SPAG16: variants seen among roughly 807,000 people sequenced by gnomAD.
SPAG16 encodes the protein sperm associated antigen 16, also known as sperm-associated antigen 16 protein.
A neutral mutation model predicts 80.4 loss-of-function variants in SPAG16; 86 were observed. That is an observed-to-expected ratio of 1.07 (90% CI 0.90 to 1.28). The LOEUF (loss-of-function observed/expected upper bound fraction) is 1.28, where lower values mean the gene tolerates loss of function less well. Ranked by LOEUF, SPAG16 falls within the 50% of genes most tolerant of loss-of-function variation. The pLI is 0.00. For missense variants in SPAG16, 870 were observed against 765.3 expected (o/e 1.14, Z -1.61); for synonymous variants, 294 against 265.9 (o/e 1.11, Z -1.03).
intron 13 of SPAG16, among the ~76,000 whole-genome samples, chr2:214,039,370 G>T (rs112933130): frequency 0.39 from 59,419 of 151,926 alleles, 13,123 homozygotes; most frequent in South Asian, 0.5. Flanking sequence ...CACATCCTTC[G>T]CCCACTTTTT....
At chr2:213,588,337 A>C (rs1028990986) in intron 10 of SPAG16, among the ~76,000 whole-genome samples, 3 of 152,198 alleles carry the variant, frequency 2.0e-5, no homozygotes, top group African/African-American at 7.2e-5. Context: ...TATTAACAGG[A>C]AATTGAATAT....
intron 15 of SPAG16, among the ~76,000 whole-genome samples, chr2:214,225,276 T>C (rs2058675656): frequency 6.6e-6 from 1 of 152,190 alleles, no homozygotes; most frequent in South Asian, 2.1e-4. Flanking sequence ...GGACCTTTTT[T>C]TTCTTTTACT....
intron 10 of SPAG16, among the ~76,000 whole-genome samples, chr2:213,664,006 G>C (rs934884690): frequency 6.6e-6 from 1 of 152,008 alleles, no homozygotes; most frequent in Non-Finnish European, 1.5e-5. Flanking sequence ...CAGTCTCAGC[G>C]GGCTAAAATT....
chr2:213,829,865 T>C (rs1218541868), intron 10 of SPAG16, among the ~76,000 whole-genome samples: 2 of 152,018 alleles, frequency 1.3e-5, no homozygotes, highest in Admixed American at 1.3e-4. Context: ...GCGGCTGAGA[T>C]GGTATCCAAG....
intron 15 of SPAG16, among the ~76,000 whole-genome samples, chr2:214,189,865 A>C (rs764888878): frequency 6.6e-6 from 1 of 152,090 alleles, no homozygotes; most frequent in Non-Finnish European, 1.5e-5. Context: ...TATATTTTGC[A>C]TCATCAAAAT....
intron 10 of SPAG16, among the ~76,000 whole-genome samples, chr2:213,577,166 A>G (rs905728386): frequency 6.6e-6 from 1 of 152,170 alleles, no homozygotes; most frequent in African/African-American, 2.4e-5. Flanking sequence ...TAATAGAGGA[A>G]TCAACATTAT....
chr2:213,420,816 C>CA (rs567296652), intron 9 of SPAG16, among the ~76,000 whole-genome samples: 203 of 151,914 alleles, frequency 1.3e-3, no homozygotes, highest in Admixed American at 3.0e-3. Flanking sequence ...TTTTGCATTC[C>CA]AAAAAAAGAA....
At chr2:213,721,913 G>A (rs796725266) in intron 10 of SPAG16, among the ~76,000 whole-genome samples, 17 of 152,254 alleles carry the variant, frequency 1.1e-4, no homozygotes, top group Admixed American at 3.3e-4. Flanking sequence ...GCATTTAAGC[G>A]TGTGATTAAC....
intron 10 of SPAG16, among the ~76,000 whole-genome samples, chr2:213,856,767 C>T (rs767995505): frequency 6.6e-6 from 1 of 152,188 alleles, no homozygotes; most frequent in Non-Finnish European, 1.5e-5. Context: ...CTGCACAAAG[C>T]AGCAAGTACC....
intron 12 of SPAG16, among the ~76,000 whole-genome samples, chr2:213,933,671 G>T (rs990873804): frequency 6.6e-6 from 1 of 152,144 alleles, no homozygotes; most frequent in Admixed American, 6.5e-5. Context: ...GGAAACAGAG[G>T]GACTTGCAAA....
At chr2:214,358,970 A>T (rs1449962837) in intron 15 of SPAG16, among the ~76,000 whole-genome samples, 3 of 151,948 alleles carry the variant, frequency 2.0e-5, no homozygotes, top group Non-Finnish European at 4.4e-5. Context: ...CCTTCTAAAA[A>T]ATTACTGACT....
intron 10 of SPAG16, among the ~76,000 whole-genome samples, chr2:213,764,027 A>T (rs1034177580): frequency 8.5e-5 from 13 of 152,224 alleles, no homozygotes; most frequent in African/African-American, 3.1e-4. Context: ...CTCTCTTTTC[A>T]GAGTCACAAG....
intron 3 of SPAG16, among the ~76,000 whole-genome samples, chr2:213,307,308 A>C: frequency 1.4e-5 from 2 of 143,722 alleles, no homozygotes; most frequent in Admixed American, 7.0e-5. Context: ...GCACCCACTA[A>C]CTCGTCATCT....
intron 9 of SPAG16, among the ~76,000 whole-genome samples, chr2:213,435,441 A>G (rs2070566507): frequency 1.3e-5 from 2 of 152,180 alleles, no homozygotes; most frequent in South Asian, 2.1e-4. Flanking sequence ...TACAATGTAC[A>G]TTATTCAATT....
At chr2:213,628,350 C>A (rs1002270820) in intron 10 of SPAG16, among the ~76,000 whole-genome samples, 2 of 152,210 alleles carry the variant, frequency 1.3e-5, no homozygotes, top group African/African-American at 4.8e-5. Context: ...AAAGCAAATT[C>A]TATCCATTTA....
intron 10 of SPAG16, among the ~76,000 whole-genome samples, chr2:213,833,478 T>TA (rs2073827542): frequency 1.2e-3 from 2 of 1,704 alleles, no homozygotes; most frequent in African/African-American, 1.4e-3. Context: ...TATATAATAA[T>TA]ATATATATTA....
chr2:214,344,677 A>G (rs114637398), intron 15 of SPAG16, among the ~76,000 whole-genome samples: 7 of 152,170 alleles, frequency 4.6e-5, no homozygotes, highest in African/African-American at 7.2e-5. Flanking sequence ...AAGATCACCA[A>G]TTCTATAAGG....
chr2:213,702,709 A>G (rs1430921123), intron 10 of SPAG16, among the ~76,000 whole-genome samples: 1 of 152,258 alleles, frequency 6.6e-6, no homozygotes, highest in African/African-American at 2.4e-5. Context: ...ATGTTCCAGT[A>G]CAGTGAATTA....
At chr2:213,567,135 T>A (rs1402384248) in intron 10 of SPAG16, among the ~76,000 whole-genome samples, 1 of 150,714 alleles carries the variant, frequency 6.6e-6, no homozygotes, top group African/African-American at 2.4e-5. Flanking sequence ...AGAGACAAAG[T>A]TGGATGCTCA....
Sources: allele counts gnomAD v4.1 joint callset (sites outside exome capture counted in the v4.1 genomes callset), GRCh38; gene constraint gnomAD v4.1.1; transcripts MANE v1.5; gene names NCBI Gene and HGNC (gene_info 2026-07-23, HGNC 2026-07-21).